Variants in KIRREL3 observed in about 807,000 individuals in gnomAD.
The protein encoded by KIRREL3 is kin of IRRE-like protein 3.
KIRREL3 carries 36 observed loss-of-function variants against 89.7 expected under a neutral mutation model. That is an observed-to-expected ratio of 0.40 (90% CI 0.31 to 0.53). The LOEUF (loss-of-function observed/expected upper bound fraction) is 0.53, where lower values mean the gene tolerates loss of function less well. KIRREL3 is among the 20% of genes least tolerant of loss of function. The pLI is 0.49. For synonymous variants in KIRREL3, 445 were observed against 441.4 expected (o/e 1.01, Z -0.10); for missense variants, 864 against 1,056.6 (o/e 0.82, Z 2.53).
At chr11:126,460,132 G>A (rs965264770) in intron 6 of KIRREL3, among the ~76,000 whole-genome samples, 1 of 152,028 alleles carries the variant, frequency 6.6e-6, no homozygotes, top group African/African-American at 2.4e-5. Flanking sequence ...AAGGGGGGAG[G>A]GAGCGGGTGG....
At position 126,943,903 on chromosome 11, in the gene KIRREL3, A is replaced by T. The variant is rs1184671481; in HGVS notation, c.55+56552T>A. On this transcript the variant is annotated intron_variant, in intron 1 of 16. Transcript: ENST00000525144. This position sits in a 1 kb window ranked among gnomAD's most constrained non-coding sequence, Gnocchi z 4.2. ...TCTAGGTGGAGACTTCTTAATTTAGATATTGATGCAGTTCGGGACATACCA... is the reference window on the plus strand; with the variant it reads ...TCTAGGTGGAGACTTCTTAATTTAGTTATTGATGCAGTTCGGGACATACCA... Among the ~76,000 whole-genome samples, 1 of 152,176 alleles carries T rather than the reference A, an allele frequency of 6.6e-6. No homozygotes were observed. Among genetic ancestry groups the T allele is most frequent in the African/African-American group, 2.4e-5 (1 of 41,446 alleles).
chr11:126,830,237 C>G lies in KIRREL3; in HGVS notation c.55+170218G>C, dbSNP rs976459368. ...ACATTTTACAAGATGAATTCTGTCA[C>G]CAGTGTTGGCAGCTTCTCACCAAGT... is the stretch of plus-strand genomic sequence containing the variant. On this transcript the variant is annotated intron_variant, in intron 1 of 16. Transcript: ENST00000525144. The surrounding 1 kb of genome is among the most constrained non-coding windows in gnomAD (Gnocchi z 4.9). Among the ~76,000 whole-genome samples the G allele has an allele frequency of 6.6e-6, 1 of 152,118 alleles. No individual in the cohort carries two copies. The highest frequency in any genetic ancestry group is 2.4e-5 in the African/African-American group (1 of 41,426).
rs1446822667 is a variant in KIRREL3 at position 126,632,648 on chromosome 11, T to C, written c.56-69736A>G. Among the ~76,000 whole-genome samples the C allele has an allele frequency of 2.1e-5, 3 of 142,244 alleles. No homozygotes were observed. The East Asian group carries it at 5.8e-4, about 28-fold the overall frequency. The allele number at this position is 142,244 out of a possible 152,430, so 93.3% of individuals were successfully genotyped here. On this transcript the variant is annotated intron_variant, in intron 1 of 16. Coordinates refer to ENST00000525144, the MANE Select transcript of KIRREL3 (RefSeq NM_032531.4). ...TACTCTCAGCACGGAGCGTTTACTT[T>C]CTTGTCTCTATTATTTTCTTGCTCA...
rs1187645253 is a variant in KIRREL3 at position 126,863,451 on chromosome 11, GTGTT to G, written c.55+137000_55+137003del. Among the ~76,000 whole-genome samples the G allele has an allele frequency of 2.7e-3, 234 of 86,746 alleles. 2 individuals are homozygous for G. The highest frequency in any genetic ancestry group is 2.6e-3 in the Non-Finnish European group (114 of 44,404). The allele number at this position is 86,746 out of a possible 152,430, so 56.9% of individuals were successfully genotyped here. A position where few individuals can be genotyped will look rare whatever the true frequency, so the allele number is the denominator to read the frequency against. On this transcript the variant is annotated intron_variant, in intron 1 of 16. Transcript: ENST00000525144. The stretch of plus-strand genomic sequence containing the variant: ...TGTGTGAGTGCGTGTGTGAGTGTGT[GTGTT>G]TGAGTGCGTGTGTGTGTGAGTGCGT...
chr11:126,859,604 A>C (rs1944643522), intron 1 of KIRREL3, among the ~76,000 whole-genome samples: 1 of 152,140 alleles, frequency 6.6e-6, no homozygotes, highest in Non-Finnish European at 1.5e-5. Context: ...ACACATAAAC[A>C]CTCATGGAAA....
At chr11:126,461,284 G>A (rs528275530) in intron 6 of KIRREL3, among the ~76,000 whole-genome samples, 7 of 152,372 alleles carry the variant, frequency 4.6e-5, no homozygotes, top group African/African-American at 1.7e-4. Flanking sequence ...ACAGGAGGAG[G>A]CGGTGCTCAG....
Position 126,723,104 on chromosome 11 carries a change from C to T in KIRREL3, c.56-160192G>A, listed in dbSNP as rs76910532. Reference sequence around the variant, plus strand: ...GGTATTTGACACATGTTGGACTCTCCACTTGACTGAGATTAAGTGGGTAGG... The same window carrying T: ...GGTATTTGACACATGTTGGACTCTCTACTTGACTGAGATTAAGTGGGTAGG... On this transcript the variant is annotated intron_variant, in intron 1 of 16. Transcript: ENST00000525144. This position sits in a 1 kb window ranked among gnomAD's most constrained non-coding sequence, Gnocchi z 4.0. Among the ~76,000 whole-genome samples, 2,340 of 152,248 alleles carry T rather than the reference C, an allele frequency of 0.015. 60 individuals carry two copies. The highest frequency in any genetic ancestry group is 0.053 in the African/African-American group (2,184 of 41,502).
At position 126,739,584 on chromosome 11, in the gene KIRREL3, T is replaced by C. The variant is rs1441032440; in HGVS notation, c.56-176672A>G. Among the ~76,000 whole-genome samples, 2 of 152,170 alleles carry C rather than the reference T, an allele frequency of 1.3e-5. No individual in the cohort carries two copies. On this transcript the variant is annotated intron_variant, in intron 1 of 16. Coordinates refer to ENST00000525144, the MANE Select transcript of KIRREL3 (RefSeq NM_032531.4). This position sits in a 1 kb window ranked among gnomAD's most constrained non-coding sequence, Gnocchi z 5.5. ...TGTTCATACTCTTCCTGAAGGTATG[T>C]CACCTGGCTTTGTATGACAGCATGT... is the stretch of plus-strand genomic sequence containing the variant.
intron 1 of KIRREL3, among the ~76,000 whole-genome samples, chr11:126,841,557 C>T (rs1310627281): frequency 2.6e-5 from 4 of 152,234 alleles, no homozygotes; most frequent in South Asian, 4.1e-4. Flanking sequence ...GTTAGTCTGG[C>T]CCAATGGATG....
rs1483936845 is a variant in KIRREL3, at chr11:126,710,550, C to T, written c.56-147638G>A. 6.6e-6 allele frequency among the ~76,000 whole-genome samples: 1 copy of T among 152,120 alleles called. No individual in the cohort carries two copies. Among genetic ancestry groups the T allele is most frequent in the Non-Finnish European group, 1.5e-5 (1 of 68,032 alleles). ...TGTATGCAGATGGGAGCTTGGAGGA[C>T]TATTTTGCTAAATGATGCACCCTGT... On this transcript the variant is annotated intron_variant, in intron 1 of 16. Coordinates refer to ENST00000525144, the MANE Select transcript of KIRREL3 (RefSeq NM_032531.4). This position sits in a 1 kb window ranked among gnomAD's most constrained non-coding sequence, Gnocchi z 4.2.
At chr11:126,974,445 G>A (rs1417794588) in intron 1 of KIRREL3, among the ~76,000 whole-genome samples, 1 of 149,558 alleles carries the variant, frequency 6.7e-6, no homozygotes. Context: ...GGTATAGCCC[G>A]TTACACACCT....
rs2134143198 is a variant in KIRREL3, at chr11:126,710,659, C to T, written c.56-147747G>A. Among the ~76,000 whole-genome samples, 2 of 152,254 alleles carry T rather than the reference C, an allele frequency of 1.3e-5. No individual in the cohort carries two copies. The highest frequency in any genetic ancestry group is 2.1e-4 in the South Asian group (1 of 4,814). On this transcript the variant is annotated intron_variant, in intron 1 of 16. Coordinates refer to ENST00000525144, the MANE Select transcript of KIRREL3 (RefSeq NM_032531.4). The surrounding 1 kb of genome is among the most constrained non-coding windows in gnomAD (Gnocchi z 4.2). ...GGACCCCTCTCATCCCACTTGGACT[C>T]AGAGTCCCTGGTGCCCCGAAGGAAA...
rs1171810808 is a variant in KIRREL3 at position 126,814,358 on chromosome 11, T to C, written c.55+186097A>G. Among the ~76,000 whole-genome samples the C allele has an allele frequency of 6.6e-6, 1 of 152,146 alleles. No homozygotes were observed. Among genetic ancestry groups the C allele is most frequent in the Non-Finnish European group, 1.5e-5 (1 of 68,028 alleles). On this transcript the variant is annotated intron_variant, in intron 1 of 16. Transcript: ENST00000525144. This position sits in a 1 kb window ranked among gnomAD's most constrained non-coding sequence, Gnocchi z 4.4. Reference sequence around the variant, plus strand: ...ACCATTGTGTAAATTAGTTCAACCATTGTGGTCTCAAAGACCTACAGTCAG... The same window carrying C: ...ACCATTGTGTAAATTAGTTCAACCACTGTGGTCTCAAAGACCTACAGTCAG...
intron 7 of KIRREL3, among the ~76,000 whole-genome samples, chr11:126,450,943 G>A (rs1956072739): frequency 6.6e-6 from 1 of 150,926 alleles, no homozygotes; most frequent in African/African-American, 2.4e-5. Context: ...GTGTGTGGGC[G>A]TGTGTGCATG....
intron 1 of KIRREL3, among the ~76,000 whole-genome samples, chr11:126,813,802 G>T (rs1970762): frequency 0.56 from 84,109 of 150,446 alleles, 23,296 homozygotes; most frequent in Admixed American, 0.6. Flanking sequence ...CCCGAAACTA[G>T]AAAAACCCTA....
At chr11:126,707,317 T>C (rs940202666) in intron 1 of KIRREL3, among the ~76,000 whole-genome samples, 36 of 152,042 alleles carry the variant, frequency 2.4e-4, no homozygotes, top group African/African-American at 8.7e-4. Flanking sequence ...CATTTTATTT[T>C]TGTCTGATTT....
chr11:126,735,091 A>G (rs1167619993), intron 1 of KIRREL3, among the ~76,000 whole-genome samples: 1 of 152,206 alleles, frequency 6.6e-6, no homozygotes, highest in Non-Finnish European at 1.5e-5. Flanking sequence ...ATGGAGGAAC[A>G]TGCACTGGAA....
chr11:126,448,927 A>G (rs1257410154), intron 8 of KIRREL3, 82 bp downstream of exon 8: 7 of 1,403,934 alleles, frequency 5.0e-6, no homozygotes, highest in East Asian at 2.4e-5. Context: ...GTGTGCAATG[A>G]ATCTAGCCCT....
intron 10 of KIRREL3, among the ~76,000 whole-genome samples, chr11:126,444,598 G>A (rs1955716010): frequency 1.3e-5 from 2 of 152,168 alleles, no homozygotes; most frequent in Non-Finnish European, 2.9e-5. Flanking sequence ...ATCTCAAAAA[G>A]CAAAAAACCA....
Sources: allele counts gnomAD v4.1 joint callset (sites outside exome capture counted in the v4.1 genomes callset), GRCh38; gene constraint gnomAD v4.1.1; non-coding constraint Gnocchi (gnomAD v3.1); transcripts MANE v1.5; gene names NCBI Gene and HGNC (gene_info 2026-07-23, HGNC 2026-07-21).